STPG2: variants seen among roughly 807,000 people sequenced by gnomAD.
STPG2 encodes the protein sperm tail PG-rich repeat containing 2.
STPG2 carries 56 observed loss-of-function variants against 54.2 expected under a neutral mutation model. The observed-to-expected ratio is 1.03, with a 90% CI of 0.83 to 1.29. The LOEUF (loss-of-function observed/expected upper bound fraction) is 1.29, where lower values mean the gene tolerates loss of function less well. Ranked by LOEUF, STPG2 falls within the 50% of genes most tolerant of loss-of-function variation. The pLI, the probability that STPG2 is intolerant of heterozygous loss-of-function variation, is 0.00. For missense variants in STPG2, 596 were observed against 544.9 expected (o/e 1.09, Z -0.93); for synonymous variants, 200 against 181.8 (o/e 1.10, Z -0.81).
chr4:97,513,412 C>T (rs1365980191), intron 4 of STPG2, among the ~76,000 whole-genome samples: 1 of 152,046 alleles, frequency 6.6e-6, no homozygotes, highest in Non-Finnish European at 1.5e-5. Flanking sequence ...CCTCCCCATG[C>T]TTCCCAGAAG....
chr4:98,130,933 A>AAC (rs1197282953), intron 2 of STPG2, among the ~76,000 whole-genome samples: 3 of 141,700 alleles, frequency 2.1e-5, no homozygotes, highest in African/African-American at 7.9e-5. Context: ...AAAAAAAAAA[A>AAC]AAAAAACAAA....
chr4:97,598,615 C>T (rs1479962030), intron 10 of STPG2, among the ~76,000 whole-genome samples: 1 of 150,484 alleles, frequency 6.6e-6, no homozygotes, highest in East Asian at 1.9e-4. Context: ...CAATATCAAG[C>T]TGCACACCTA....
intron 8 of STPG2, among the ~76,000 whole-genome samples, chr4:97,877,450 G>T (rs763115476): frequency 2.2e-4 from 33 of 152,158 alleles, no homozygotes; most frequent in Non-Finnish European, 4.3e-4. Context: ...TAAAGAAAAA[G>T]AAGTTTAACG....
At chr4:97,880,554 A>C (rs1252234946) in intron 8 of STPG2, among the ~76,000 whole-genome samples, 1 of 152,114 alleles carries the variant, frequency 6.6e-6, no homozygotes, top group Non-Finnish European at 1.5e-5. Context: ...AACACTAGGG[A>C]AGTCCGCAAA....
chr4:97,986,914 G>A (rs1009935842), intron 5 of STPG2, among the ~76,000 whole-genome samples: 4 of 152,156 alleles, frequency 2.6e-5, no homozygotes, highest in Non-Finnish European at 5.9e-5. Context: ...AGCAGGAGAT[G>A]CATCATTTGC....
At chr4:97,681,178 T>C (rs1367873315) in intron 10 of STPG2, among the ~76,000 whole-genome samples, 1 of 151,852 alleles carries the variant, frequency 6.6e-6, no homozygotes, top group African/African-American at 2.4e-5. Flanking sequence ...AAAATTTTTT[T>C]AAAAGTGAAA....
At chr4:97,752,785 C>T (rs968165040) in intron 9 of STPG2, among the ~76,000 whole-genome samples, 1 of 151,732 alleles carries the variant, frequency 6.6e-6, no homozygotes, top group Non-Finnish European at 1.5e-5. Flanking sequence ...TTCATATGCC[C>T]AAATACTAAA....
intron 4 of STPG2, among the ~76,000 whole-genome samples, chr4:97,478,855 C>G (rs1250665333): frequency 6.7e-6 from 1 of 148,466 alleles, no homozygotes; most frequent in African/African-American, 2.5e-5. Context: ...AAAATGAACC[C>G]TAGAAACCAA....
At chr4:97,672,612 A>C (rs920688035) in intron 10 of STPG2, among the ~76,000 whole-genome samples, 2 of 152,206 alleles carry the variant, frequency 1.3e-5, no homozygotes, top group Admixed American at 1.3e-4. Context: ...TATATCCACA[A>C]ATAGCTATGA....
chr4:97,631,172 G>A (rs1318333673), intron 10 of STPG2, among the ~76,000 whole-genome samples: 1 of 151,906 alleles, frequency 6.6e-6, no homozygotes, highest in Non-Finnish European at 1.5e-5. Flanking sequence ...TACAAATAGA[G>A]AAGAAAAGTA....
intron 8 of STPG2, among the ~76,000 whole-genome samples, chr4:97,861,232 AT>A (rs1326146224): frequency 6.6e-6 from 1 of 152,208 alleles, no homozygotes; most frequent in South Asian, 2.1e-4. Context: ...AAATAGACAT[AT>A]GAAAAAATGC....
At position 97,616,048 on chromosome 4, in the gene STPG2, ATACAT is replaced by A. The variant is rs1560686763; in HGVS notation, c.1321-56936_1321-56932del. ...CAAGACTCTGTCTCAAAAAAAAAAA[ATACAT>A]ATAAATATATATATATATATATATA... On this transcript the variant is annotated intron_variant, in intron 10 of 10. Coordinates refer to ENST00000295268, the MANE Select transcript of STPG2 (RefSeq NM_174952.3). Among the ~76,000 whole-genome samples, 15 of 91,882 alleles carry A rather than the reference ATACAT, an allele frequency of 1.6e-4. 2 individuals are homozygous for A. The highest frequency in any genetic ancestry group is 5.8e-4 in the African/African-American group (14 of 24,102). 60.3% of individuals were successfully genotyped at this position (91,882 alleles called of 152,430 possible). A position where few individuals can be genotyped will look rare whatever the true frequency, so the allele number is the denominator to read the frequency against.
chr4:97,986,762 G>A (rs548454509), intron 5 of STPG2, among the ~76,000 whole-genome samples: 4 of 152,154 alleles, frequency 2.6e-5, no homozygotes, highest in African/African-American at 9.6e-5. Flanking sequence ...CCTAGACCAT[G>A]TCTATTTCCA....
At chr4:97,579,373 T>G (rs573303284) in intron 10 of STPG2, among the ~76,000 whole-genome samples, 1 of 151,938 alleles carries the variant, frequency 6.6e-6, no homozygotes, top group Admixed American at 6.6e-5. Flanking sequence ...TCTTAAAAAA[T>G]TTTCTAAGCA....
At chr4:97,540,823 A>C (rs1451552911) in intron 4 of STPG2, among the ~76,000 whole-genome samples, 1 of 152,214 alleles carries the variant, frequency 6.6e-6, no homozygotes, top group East Asian at 1.9e-4. Context: ...ACATACGCAA[A>C]TCAACAAACA....
chr4:97,786,925 A>G (rs1041990833), intron 9 of STPG2, among the ~76,000 whole-genome samples: 1 of 152,116 alleles, frequency 6.6e-6, no homozygotes, highest in Admixed American at 6.6e-5. Context: ...ATATATAGGT[A>G]TGTATCTATA....
At chr4:98,052,012 G>A (rs968656733) in intron 5 of STPG2, among the ~76,000 whole-genome samples, 4 of 151,440 alleles carry the variant, frequency 2.6e-5, no homozygotes, top group Admixed American at 1.3e-4. Context: ...ATTTGAACAC[G>A]GGAGGCGGAG....
At position 98,143,392 on chromosome 4, in the gene STPG2, T is replaced by C. The variant is rs542010135; in HGVS notation, c.-242A>G. ...GGGGTGAGCGACTAGAGATTAGACGTCCCACACAATCATCAGTTTGCCAGG... is the reference window on the plus strand; with the variant it reads ...GGGGTGAGCGACTAGAGATTAGACGCCCCACACAATCATCAGTTTGCCAGG... On this transcript the variant is annotated 5_prime_UTR_variant, in exon 1 of 11. Transcript: ENST00000295268. Among the ~76,000 whole-genome samples, 5 of 152,244 alleles carry C rather than the reference T, an allele frequency of 3.3e-5. No homozygotes were observed. The highest frequency in any genetic ancestry group is 1.2e-4 in the African/African-American group (5 of 41,540).
At chr4:98,130,009 C>T (rs2110163794) in intron 2 of STPG2, among the ~76,000 whole-genome samples, 1 of 151,608 alleles carries the variant, frequency 6.6e-6, no homozygotes, top group South Asian at 2.1e-4. Flanking sequence ...AGGCACATGC[C>T]ACCACACCTG....
Sources: gnomAD v4.1 joint callset for allele counts (sites outside exome capture counted in the v4.1 genomes callset) on GRCh38, gnomAD v4.1.1 for gene constraint, MANE v1.5 for transcripts, NCBI Gene and HGNC (gene_info 2026-07-23, HGNC 2026-07-21) for gene names.